The following RGS9 variants were observed in gnomAD, a reference collection of about 807,000 sequenced individuals.
The protein encoded by RGS9 is regulator of G protein signaling 9.
In RGS9, 78 loss-of-function variants were observed where a neutral mutation model predicts 102.0. The ratio of observed to expected loss-of-function variants is 0.76; its 90% confidence interval spans 0.64 to 0.92. The LOEUF (loss-of-function observed/expected upper bound fraction) is 0.92, where lower values mean the gene tolerates loss of function less well. RGS9 is among the 40% of genes least tolerant of loss of function. The pLI, the probability that RGS9 is intolerant of heterozygous loss-of-function variation, is 0.00. For synonymous variants in RGS9, 353 were observed against 318.6 expected (o/e 1.11, Z -1.15); for missense variants, 833 against 866.1 (o/e 0.96, Z 0.48).
intron 1 of RGS9, among the ~76,000 whole-genome samples, chr17:65,144,245 G>A (rs933556314): frequency 5.9e-5 from 9 of 152,084 alleles, no homozygotes; most frequent in Admixed American, 2.6e-4. Context: ...GAAAAGTACC[G>A]ATTATTATTG....
rs200412290 is a variant in RGS9, at chr17:65,208,860, CA to C, written c.1289+861del. On this transcript the variant is annotated intron_variant, in intron 16 of 18. Transcript: ENST00000262406. ...AAAGGAGAAAAAACAACAACAACAA[CA>C]AAAAAAACCAACTTGGCTTCATTCT... Among the ~76,000 whole-genome samples the C allele has an allele frequency of 1.2e-3, 180 of 151,688 alleles. 2 individuals are homozygous for C. The East Asian group carries it at 0.031, about 26-fold the overall frequency.
Position 65,142,117 on chromosome 17 carries a change from G to A in RGS9, c.57+4520G>A, listed in dbSNP as rs1310909101. On this transcript the variant is annotated intron_variant, in intron 1 of 18. Coordinates refer to ENST00000262406, the MANE Select transcript of RGS9 (RefSeq NM_003835.4). ...AAATTAGCCAGGCATGCTGGCATGC[G>A]CCTGTAATCCTAGCTACTTGGGAGG... is the stretch of plus-strand genomic sequence containing the variant. Among the ~76,000 whole-genome samples the A allele has an allele frequency of 5.9e-5, 9 of 152,180 alleles. No individual in the cohort carries two copies. In the South Asian group the frequency reaches 8.3e-4, roughly 14 times the overall value.
chr17:65,174,075 C>T (rs374181571), intron 8 of RGS9, among the ~76,000 whole-genome samples: 1 of 152,156 alleles, frequency 6.6e-6, no homozygotes, highest in African/African-American at 2.4e-5. Context: ...TGGAACTGGA[C>T]AGGCTGGCAG....
At chr17:65,147,636 G>C (rs563151311) in intron 1 of RGS9, among the ~76,000 whole-genome samples, 44 of 132,050 alleles carry the variant, frequency 3.3e-4, no homozygotes, top group African/African-American at 1.1e-3. Flanking sequence ...TGTTACCCAG[G>C]CTGGAGTGCG....
Position 65,160,281 on chromosome 17 carries a change from C to A in RGS9, c.254C>A (p.Pro85His). The A allele has an allele frequency of 6.2e-7, 1 of 1,614,198 alleles. No homozygotes were observed. Among genetic ancestry groups the A allele is most frequent in the Non-Finnish European group, 8.5e-7 (1 of 1,180,022 alleles). Residue 85 changes from proline to histidine, a missense_variant, in exon 4 of 19, where the codon CCC becomes CAC. Around this residue, in one of 3 missense-constraint regions of RGS9, gnomAD observed 328 missense variants for 340.6 expected, o/e 0.96. Transcript: ENST00000262406. ...NFIVRYGYIY[P>H]LQDPKNLILK... ...ATTGTCAGGTATGGCTACATTTACC[C>A]CCTGCAAGACCCCAAGAATCTCATT...
chr17:65,153,437 A>G lies in RGS9; in HGVS notation c.73A>G (p.Lys25Glu). The change falls in exon 2 of 19, where the codon AAG becomes GAG. Residue 25 changes from lysine (K) to glutamate (E), a missense_variant. By Grantham distance (56) the Lys-to-Glu change is moderately conservative. Around this residue, in one of 3 missense-constraint regions of RGS9, gnomAD observed 328 missense variants for 340.6 expected, o/e 0.96. Transcript: ENST00000262406. ...AFLQKIEALV[K>E]DMQNPETGVR... The stretch of plus-strand genomic sequence containing the variant: ...TGTCTTGCAGATTGAAGCGCTCGTG[A>G]AGGACATGCAGAACCCAGAGACAGG... The G allele has an allele frequency of 6.2e-7, 1 of 1,614,080 alleles. No homozygotes were observed. Among genetic ancestry groups the G allele is most frequent in the African/African-American group, 1.3e-5 (1 of 75,040 alleles).
intron 7 of RGS9, among the ~76,000 whole-genome samples, chr17:65,163,836 A>T (rs147056913): frequency 4.5e-4 from 68 of 152,310 alleles, no homozygotes; most frequent in African/African-American, 1.6e-3. Flanking sequence ...TGAGAGTGCA[A>T]AGTATGGAAT....
intron 7 of RGS9, among the ~76,000 whole-genome samples, chr17:65,166,483 A>G (rs967821900): frequency 1.3e-5 from 2 of 152,380 alleles, no homozygotes; most frequent in South Asian, 2.1e-4. Context: ...TTGGTTCACC[A>G]GTAGACTCCC....
intron 17 of RGS9, among the ~76,000 whole-genome samples, chr17:65,220,236 T>C (rs1454365582): frequency 6.6e-6 from 1 of 152,208 alleles, no homozygotes; most frequent in Non-Finnish European, 1.5e-5. Flanking sequence ...ATTTAAAACA[T>C]TGTCATCTCA....
chr17:65,204,052 C>A, intron 14 of RGS9, 111 bp from the exon 15 acceptor site: 1 of 1,317,946 alleles, frequency 7.6e-7, no homozygotes, highest in Non-Finnish European at 1.1e-6. Flanking sequence ...AAACCACCAC[C>A]CTCACCCTCG....
intron 1 of RGS9, 82 bp downstream of exon 1, chr17:65,137,679 A>C: frequency 7.3e-7 from 1 of 1,375,424 alleles, no homozygotes; most frequent in Non-Finnish European, 1.0e-6. Flanking sequence ...GAGGGGCAGG[A>C]GTGGAGAGCA....
At chr17:65,188,962 C>A in intron 9 of RGS9, 1 of 385,786 alleles carries the variant, frequency 2.6e-6, no homozygotes, top group Non-Finnish European at 4.8e-6. Context: ...ATCTGTATCT[C>A]TCACTCTACA....
intron 1 of RGS9, among the ~76,000 whole-genome samples, chr17:65,146,021 A>T (rs1406914678): frequency 6.6e-6 from 1 of 152,132 alleles, no homozygotes; most frequent in African/African-American, 2.4e-5. Context: ...TTGTGTTTTT[A>T]AAATAACTCT....
At position 65,153,257 on chromosome 17, in the gene RGS9, C is replaced by A. The variant is rs185731427; in HGVS notation, c.58-165C>A. ...TGTGTCTGTGGAGCACACCTTAGTC[C>A]TGGTTGCATTAGAGTCACTCAGTGC... On this transcript the variant is annotated intron_variant, in intron 1 of 18. Coordinates refer to ENST00000262406, the MANE Select transcript of RGS9 (RefSeq NM_003835.4). Among the ~76,000 whole-genome samples, 38 of 152,328 alleles carry A rather than the reference C, an allele frequency of 2.5e-4. 1 individual carries two copies. Among genetic ancestry groups the A allele is most frequent in the Non-Finnish European group, 7.3e-5 (5 of 68,030 alleles).
chr17:65,218,230 A>G (rs1160049914), intron 17 of RGS9, among the ~76,000 whole-genome samples: 1 of 152,238 alleles, frequency 6.6e-6, no homozygotes, highest in African/African-American at 2.4e-5. Context: ...ATTCCCAGCA[A>G]CTTTGTCAAT....
intron 7 of RGS9, among the ~76,000 whole-genome samples, chr17:65,164,566 G>A (rs1450246775): frequency 2.0e-5 from 3 of 152,216 alleles, no homozygotes; most frequent in African/African-American, 7.2e-5. Context: ...GGGAAGACCT[G>A]ATTCTCACCC....
chr17:65,218,777 T>C (rs964427045), intron 17 of RGS9, among the ~76,000 whole-genome samples: 1 of 152,238 alleles, frequency 6.6e-6, no homozygotes, highest in Non-Finnish European at 1.5e-5. Flanking sequence ...GGTCAGGCTC[T>C]GATAACAGTT....
rs1247288568 is a variant in RGS9 at position 65,190,189 on chromosome 17, A to G, written c.699A>G (p.Gln233=). 1 of 1,613,660 alleles carries G rather than the reference A, an allele frequency of 6.2e-7. No homozygotes were observed. Among genetic ancestry groups the G allele is most frequent in the South Asian group, 1.1e-5 (1 of 91,072 alleles). ...VAVKKEIMYY[Q]QALMRSTVKS... ...GTCTCTTCCAGATCATGTATTACCA[A>G]CAGGCCTTGATGAGGTCCACAGTGA... is the stretch of plus-strand genomic sequence containing the variant. Residue 233 remains glutamine, a synonymous_variant, in exon 11 of 19, where the codon CAA becomes CAG. Coordinates refer to ENST00000262406, the MANE Select transcript of RGS9 (RefSeq NM_003835.4).
In RGS9 at chr17:65,202,782, G is replaced by A. The variant is rs73347669; in HGVS notation, c.1064+702G>A. 1.8e-3 allele frequency among the ~76,000 whole-genome samples: 274 copies of A among 152,180 alleles called. 1 individual carries two copies. Among genetic ancestry groups the A allele is most frequent in the African/African-American group, 6.4e-3 (267 of 41,492 alleles). ...GAGAGGGAGGGGAAGGTGTGATGAGGCTCCCAAGGTTGCTGAAAGCCACAC... is the reference window on the plus strand; with the variant it reads ...GAGAGGGAGGGGAAGGTGTGATGAGACTCCCAAGGTTGCTGAAAGCCACAC... On this transcript the variant is annotated intron_variant, in intron 14 of 18. Transcript: ENST00000262406.
Sources: allele counts gnomAD v4.1 joint callset (sites outside exome capture counted in the v4.1 genomes callset), GRCh38; gene constraint gnomAD v4.1.1; regional missense constraint gnomAD v4.1.1; transcripts MANE v1.5; gene names NCBI Gene and HGNC (gene_info 2026-07-23, HGNC 2026-07-21).